Variants in TMEM225B observed in about 807,000 individuals in gnomAD.
The protein encoded by TMEM225B is transmembrane protein 225B.
Under a neutral mutation model 16.9 loss-of-function variants are expected in TMEM225B, and 10 were observed. The observed-to-expected ratio is 0.59, with a 90% CI of 0.36 to 1.00. The LOEUF is 1.00. Ranked by LOEUF, TMEM225B falls within the 50% of genes least tolerant of loss-of-function variation. The probability of loss-of-function intolerance (pLI) is 0.01; values close to 1 mark genes in which losing one functional copy is unlikely to be tolerated. For synonymous variants in TMEM225B, 92 were observed against 109.8 expected, an observed-to-expected ratio of 0.84 and a Z score of 1.01; for missense variants, 217 against 267.0, an observed-to-expected ratio of 0.81 and a Z score of 1.30.
intron 2 of TMEM225B, 147 bp downstream of exon 2, chr7:99,600,432 G>T (rs1245195775): frequency 1.6e-6 from 1 of 634,950 alleles, no homozygotes; most frequent in African/African-American, 1.8e-5. Flanking sequence ...GAACCCAGGT[G>T]TATTAGTCTG....
chr7:99,600,252 C>T lies in TMEM225B; in HGVS notation c.-37C>T, dbSNP rs1352967597. The stretch of plus-strand genomic sequence containing the variant: ...CCTGCCTTTTTTCATCTCTGAATCC[C>T]CACCATTGGCCTACATTGGGAGTGG... On this transcript the variant is annotated 5_prime_UTR_variant, in exon 2 of 6. Transcript: ENST00000431679. 1 of 702,880 alleles carries T rather than the reference C, an allele frequency of 1.4e-6. No individual in the cohort carries two copies. Among genetic ancestry groups the T allele is most frequent in the African/African-American group, 1.7e-5 (1 of 57,244 alleles). 43.5% of individuals were successfully genotyped at this position (702,880 alleles called of 1,614,324 possible).
At position 99,604,614 on chromosome 7, in the gene TMEM225B, C is replaced by A; in HGVS notation, c.208+18C>A. Reference sequence around the variant, plus strand: ...CTTATCCAGTAAGGAGGGATGGAGGCGGGGAGGAGAGAGAGGGAGATGGGG... The same window carrying A: ...CTTATCCAGTAAGGAGGGATGGAGGAGGGGAGGAGAGAGAGGGAGATGGGG... On this transcript the variant is annotated intron_variant, in intron 3 of 5. Coordinates refer to ENST00000431679, the MANE Select transcript of TMEM225B (RefSeq NM_001195541.3). 6.6e-7 allele frequency: 1 copy of A among 1,526,480 alleles called. No homozygotes were observed. The highest frequency in any genetic ancestry group is 8.8e-7 in the Non-Finnish European group (1 of 1,139,278). The allele number at this position is 1,526,480 out of a possible 1,614,324, so 94.6% of individuals were successfully genotyped here. A position where few individuals can be genotyped will look rare whatever the true frequency, so the allele number is the denominator to read the frequency against.
intron 4 of TMEM225B, 83 bp downstream of exon 4, chr7:99,606,977 T>C: frequency 6.9e-7 from 1 of 1,450,860 alleles, no homozygotes; most frequent in South Asian, 1.3e-5. Context: ...GTCTCTGTGA[T>C]GTCAAAAGAG....
Position 99,600,266 on chromosome 7 carries a change from C to T in TMEM225B, c.-23C>T, listed in dbSNP as rs1584297535. On this transcript the variant is annotated 5_prime_UTR_variant, in exon 2 of 6. Coordinates refer to ENST00000431679, the MANE Select transcript of TMEM225B (RefSeq NM_001195541.3). ...TCTCTGAATCCCCACCATTGGCCTA[C>T]ATTGGGAGTGGGGCGACCTGTAAGT... is the stretch of plus-strand genomic sequence containing the variant. The T allele has an allele frequency of 1.8e-5, 13 of 702,994 alleles. No individual in the cohort carries two copies. In the East Asian group the frequency reaches 3.5e-4, roughly 19 times the overall value. 43.5% of individuals were successfully genotyped at this position (702,994 alleles called of 1,614,324 possible).
At chr7:99,608,743 A>G (rs1806052531) in intron 5 of TMEM225B, among the ~76,000 whole-genome samples, 1 of 137,298 alleles carries the variant, frequency 7.3e-6, no homozygotes, top group Non-Finnish European at 1.5e-5. Context: ...ATACACACAC[A>G]CACACACACA....
rs1805828696 is a variant in TMEM225B at position 99,606,607 on chromosome 7, C to G, written c.209-141C>G. 6 of 687,628 alleles carry G rather than the reference C, an allele frequency of 8.7e-6. No homozygotes were observed. The South Asian group carries it at 1.3e-4, about 15-fold the overall frequency. The allele number at this position is 687,628 out of a possible 1,614,324, so 42.6% of individuals were successfully genotyped here. A position where few individuals can be genotyped will look rare whatever the true frequency, so the allele number is the denominator to read the frequency against. The stretch of plus-strand genomic sequence containing the variant: ...ATTCTTGGGGCCAAAGTGGCATGGT[C>G]ACAACCTTGGTCCCAAGGCCATGCT... On this transcript the variant is annotated intron_variant, in intron 3 of 5. Transcript: ENST00000431679.
At chr7:99,599,985 C>G (rs916888573) in intron 1 of TMEM225B, among the ~76,000 whole-genome samples, 2 of 152,202 alleles carry the variant, frequency 1.3e-5, no homozygotes, top group East Asian at 1.9e-4. Flanking sequence ...GAAGATGTAA[C>G]CTTGTCCAGT....
intron 5 of TMEM225B, among the ~76,000 whole-genome samples, chr7:99,609,540 G>A (rs1584325329): frequency 6.6e-6 from 1 of 151,936 alleles, no homozygotes; most frequent in African/African-American, 2.4e-5. Context: ...CTGGGTTCAA[G>A]CAATTCTGCC....
chr7:99,603,900 C>T (rs1419936472), intron 2 of TMEM225B, among the ~76,000 whole-genome samples: 1 of 151,984 alleles, frequency 6.6e-6, no homozygotes, highest in Non-Finnish European at 1.5e-5. Flanking sequence ...GTAGCTGGGA[C>T]TACAGGTGTG....
At chr7:99,600,050 A>G (rs892025760) in intron 1 of TMEM225B, among the ~76,000 whole-genome samples, 155 bp from the exon 2 acceptor site, 3 of 152,208 alleles carry the variant, frequency 2.0e-5, no homozygotes, top group Non-Finnish European at 4.4e-5. Context: ...CAGGGAAAGG[A>G]GGACAAGGTC....
At chr7:99,601,559 A>C (rs1390537218) in intron 2 of TMEM225B, among the ~76,000 whole-genome samples, 1 of 152,216 alleles carries the variant, frequency 6.6e-6, no homozygotes, top group Non-Finnish European at 1.5e-5. Flanking sequence ...CCTGTATCTA[A>C]AAACAAAATA....
intron 5 of TMEM225B, among the ~76,000 whole-genome samples, chr7:99,609,416 T>C (rs1315726021): frequency 6.6e-6 from 1 of 152,156 alleles, no homozygotes; most frequent in Non-Finnish European, 1.5e-5. Flanking sequence ...GCATTGATCA[T>C]TTACTCAAGA....
intron 5 of TMEM225B, among the ~76,000 whole-genome samples, chr7:99,608,692 A>G (rs1806030079): frequency 6.9e-6 from 1 of 145,114 alleles, no homozygotes; most frequent in African/African-American, 2.6e-5. Flanking sequence ...GGCATGTGCC[A>G]CCATGGCCAG....
intron 4 of TMEM225B, among the ~76,000 whole-genome samples, 174 bp from the exon 5 acceptor site, chr7:99,607,499 G>A (rs1805917699): frequency 6.6e-6 from 1 of 152,158 alleles, no homozygotes; most frequent in Non-Finnish European, 1.5e-5. Flanking sequence ...TAAAGCACAT[G>A]GGCTTTGAAG....
chr7:99,598,845 C>T (rs1805080364), intron 1 of TMEM225B, among the ~76,000 whole-genome samples: 1 of 152,210 alleles, frequency 6.6e-6, no homozygotes, highest in Admixed American at 6.5e-5. Flanking sequence ...GCAGCTCAGG[C>T]GCTGAAGGGG....
chr7:99,599,688 A>G (rs1161053002), intron 1 of TMEM225B, among the ~76,000 whole-genome samples: 1 of 152,236 alleles, frequency 6.6e-6, no homozygotes, highest in Admixed American at 6.5e-5. Context: ...TCACACATGC[A>G]CATGCCTATA....
chr7:99,600,110 T>G, intron 1 of TMEM225B, 95 bp from the exon 2 acceptor site: 3 of 677,652 alleles, frequency 4.4e-6, no homozygotes, highest in Non-Finnish European at 5.4e-6. Context: ...AGATAAGGGG[T>G]AGTGCCCTGG....
chr7:99,607,120 T>C (rs907463460), intron 4 of TMEM225B, among the ~76,000 whole-genome samples: 3 of 152,000 alleles, frequency 2.0e-5, no homozygotes, highest in African/African-American at 7.3e-5. Context: ...CCCAAGTAGA[T>C]GGGACTCTAG....
At chr7:99,599,026 C>T (rs1288303228) in intron 1 of TMEM225B, among the ~76,000 whole-genome samples, 1 of 152,160 alleles carries the variant, frequency 6.6e-6, no homozygotes, top group East Asian at 1.9e-4. Context: ...GTGGCACGAT[C>T]TCGCCTCACT....
Sources: allele counts gnomAD v4.1 joint callset (sites outside exome capture counted in the v4.1 genomes callset), GRCh38; gene constraint gnomAD v4.1.1; transcripts MANE v1.5; gene names NCBI Gene and HGNC (gene_info 2026-07-23, HGNC 2026-07-21).